CTTN: variants seen among roughly 807,000 people sequenced by gnomAD.
CTTN encodes the protein src substrate cortactin.
CTTN carries 28 observed loss-of-function variants against 84.0 expected under a neutral mutation model. That is an observed-to-expected ratio of 0.33 (90% CI 0.25 to 0.46). CTTN has a LOEUF of 0.46. Ranked by LOEUF, CTTN falls within the 20% of genes least tolerant of loss-of-function variation. CTTN has a pLI of 1.00. For missense variants in CTTN, 641 were observed against 723.8 expected (o/e 0.89, Z 1.31); for synonymous variants, 301 against 288.8 (o/e 1.04, Z -0.43).
At chr11:70,426,241 A>G (rs1031185754) in intron 13 of CTTN, among the ~76,000 whole-genome samples, 4 of 152,118 alleles carry the variant, frequency 2.6e-5, no homozygotes, top group African/African-American at 9.7e-5. Flanking sequence ...CCCCGTCTCT[A>G]CTAAAAATAC....
intron 2 of CTTN, among the ~76,000 whole-genome samples, 172 bp downstream of exon 2, chr11:70,405,533 G>A (rs1264871272): frequency 6.6e-6 from 1 of 152,138 alleles, no homozygotes; most frequent in African/African-American, 2.4e-5. Context: ...GGTTTCTGTT[G>A]CATATGACTT....
chr11:70,414,117 G>A (rs1472997799), intron 5 of CTTN, among the ~76,000 whole-genome samples: 3 of 152,202 alleles, frequency 2.0e-5, no homozygotes, highest in South Asian at 2.1e-4. Context: ...AGGCCGAGGC[G>A]GGTGGATCAC....
chr11:70,416,000 G>A (rs1344020310), intron 7 of CTTN: 13 of 399,520 alleles, frequency 3.3e-5, no homozygotes, highest in African/African-American at 1.8e-4. Flanking sequence ...CCCTTGTAGC[G>A]GAAGCCGCCT....
chr11:70,419,236 G>A (rs1383660409), intron 8 of CTTN, among the ~76,000 whole-genome samples: 2 of 150,828 alleles, frequency 1.3e-5, no homozygotes, highest in African/African-American at 2.4e-5. Flanking sequence ...TCAGCCTCCC[G>A]AGTAGCTGGG....
intron 1 of CTTN, among the ~76,000 whole-genome samples, chr11:70,399,042 G>T (rs1234155445): frequency 2.0e-5 from 3 of 146,806 alleles, no homozygotes; most frequent in African/African-American, 7.6e-5. Flanking sequence ...CTCCGAGGGG[G>T]AGGGTATTAG....
chr11:70,400,365 C>G (rs1180436560), intron 1 of CTTN, among the ~76,000 whole-genome samples: 2 of 152,180 alleles, frequency 1.3e-5, no homozygotes, highest in Middle Eastern at 3.4e-3. Context: ...ACTTGGGGCG[C>G]TGAGGCAGAG....
In CTTN at chr11:70,436,049, G is replaced by T. The variant is rs2058414339; in HGVS notation, c.*887G>T. The T allele has an allele frequency of 1.4e-6, 2 of 1,424,112 alleles. No homozygotes were observed. The highest frequency in any genetic ancestry group is 1.8e-6 in the Non-Finnish European group (2 of 1,094,984). 88.2% of individuals were successfully genotyped at this position (1,424,112 alleles called of 1,614,324 possible). The stretch of plus-strand genomic sequence containing the variant: ...CGGTGTGTGTGCCATGTCACAGCAT[G>T]GCCTCTCGGCCTTGGGAAGGAAGGC... On this transcript the variant is annotated 3_prime_UTR_variant, in exon 18 of 18. Transcript: ENST00000301843.
rs542545022 is a variant in CTTN at position 70,419,704 on chromosome 11, T to C, written c.569-42T>C. The C allele has an allele frequency of 9.9e-6, 15 of 1,521,500 alleles. No individual in the cohort carries two copies. In the African/African-American group the frequency reaches 1.1e-4, roughly 11 times the overall value. The allele number at this position is 1,521,500 out of a possible 1,614,324, so 94.2% of individuals were successfully genotyped here. A position where few individuals can be genotyped will look rare whatever the true frequency, so the allele number is the denominator to read the frequency against. Reference sequence around the variant, plus strand: ...TAAAATACTTGCATGTTCACTGATTTCGTTGCTCCTTTTAAAGTAGTCCTT... The same window carrying C: ...TAAAATACTTGCATGTTCACTGATTCCGTTGCTCCTTTTAAAGTAGTCCTT... On this transcript the variant is annotated intron_variant, in intron 8 of 17. Coordinates refer to ENST00000301843, the MANE Select transcript of CTTN (RefSeq NM_005231.4).
In CTTN at chr11:70,433,690, A is replaced by G. The variant is rs746057181; in HGVS notation, c.1488A>G (p.Thr496=). 6.2e-7 allele frequency: 1 copy of G among 1,613,896 alleles called. No individual in the cohort carries two copies. The highest frequency in any genetic ancestry group is 8.5e-7 in the Non-Finnish European group (1 of 1,179,878). Reference sequence around the variant, plus strand: ...AGTACGAGAACGATCTGGGGATCACAGCCGTCGCCCTGTACGACTACCAGG... The same window carrying G: ...AGTACGAGAACGATCTGGGGATCACGGCCGTCGCCCTGTACGACTACCAGG... ...YDEYENDLGI[T]AVALYDYQAA... The change falls in exon 17 of 18, where the codon ACA becomes ACG. Residue 496 remains threonine, a synonymous_variant. Transcript: ENST00000301843.
intron 1 of CTTN, among the ~76,000 whole-genome samples, chr11:70,401,482 A>G (rs1277880864): frequency 6.6e-6 from 1 of 151,576 alleles, no homozygotes; most frequent in African/African-American, 2.4e-5. Context: ...TCTCAAAAGA[A>G]AAAAGAAAAA....
chr11:70,429,662 A>G (rs1176178739), intron 14 of CTTN, among the ~76,000 whole-genome samples: 2 of 152,062 alleles, frequency 1.3e-5, no homozygotes, highest in Non-Finnish European at 2.9e-5. Context: ...TGGCCAGCCC[A>G]GCCCCGCTCA....
chr11:70,430,751 A>G (rs2058345600), intron 14 of CTTN, among the ~76,000 whole-genome samples: 1 of 152,194 alleles, frequency 6.6e-6, no homozygotes, highest in Non-Finnish European at 1.5e-5. Context: ...GTCTCAACCC[A>G]TTGCAGCATC....
At chr11:70,431,395 C>A in intron 15 of CTTN, 115 bp downstream of exon 15, 3 of 1,088,674 alleles carry the variant, frequency 2.8e-6, no homozygotes, top group Non-Finnish European at 2.8e-6. Flanking sequence ...GTGTAGAGGG[C>A]ATCGCTGCAT....
chr11:70,419,394 G>GC (rs2058202738), intron 8 of CTTN, among the ~76,000 whole-genome samples: 1 of 152,102 alleles, frequency 6.6e-6, no homozygotes, highest in South Asian at 2.1e-4. Context: ...ACAGGCGTGA[G>GC]CCCCCTCCCC....
intron 12 of CTTN, 100 bp downstream of exon 12, chr11:70,423,095 C>T: frequency 7.2e-7 from 1 of 1,395,168 alleles, no homozygotes; most frequent in Non-Finnish European, 1.0e-6. Context: ...TGGGGTGGGG[C>T]ACAAGTGATT....
chr11:70,400,148 T>C (rs7925570), intron 1 of CTTN, among the ~76,000 whole-genome samples: 9,378 of 152,272 alleles, frequency 0.062, 923 homozygotes, highest in African/African-American at 0.21. Flanking sequence ...GCTAACCTTC[T>C]GCTATATCTT....
At chr11:70,417,274 C>T (rs142406325) in intron 8 of CTTN, 151 bp downstream of exon 8, 13 of 645,394 alleles carry the variant, frequency 2.0e-5, no homozygotes, top group African/African-American at 1.3e-4. Context: ...TTTCCTAATT[C>T]GAATGGCTGC....
In CTTN at chr11:70,415,706, C is replaced by T. The variant is rs1441415496; in HGVS notation, c.446C>T (p.Ala149Val). Residue 149 changes from alanine (A) to valine (V), a missense_variant, in exon 7 of 18, where the codon GCC becomes GTC. Ala to Val is a moderately conservative substitution (Grantham distance 64, BLOSUM62 0). Transcript: ENST00000301843. ...TACCAGGGGAAGACTGAGAAGCATG[C>T]CTCCCAGAAAGGTAAGACGCGAAAG... is the stretch of plus-strand genomic sequence containing the variant. The part of the protein sequence containing the change: ...FEYQGKTEKH[A>V]SQKDYSSGFG... 2.5e-6 allele frequency: 4 copies of T among 1,614,028 alleles called. No individual in the cohort carries two copies. The African/African-American group carries it at 4.0e-5, about 16-fold the overall frequency.
rs765197561 is a variant in CTTN at position 70,431,267 on chromosome 11, G to A, written c.1253G>A (p.Ser418Asn). 3 of 1,614,118 alleles carry A rather than the reference G, an allele frequency of 1.9e-6. No homozygotes were observed. Among genetic ancestry groups the A allele is most frequent in the Non-Finnish European group, 2.5e-6 (3 of 1,180,008 alleles). ...CCAACCGAGGAGAGGCTGCCCTCGA[G>A]CCCCGTCTATGAGGTTGGTGTCTTT... Reference protein sequence around the residue: ...PQPTEERLPSSPVYEDAASFK... With the variant: ...PQPTEERLPSNPVYEDAASFK... Residue 418 changes from serine (S) to asparagine (N), a missense_variant, in exon 15 of 18, where the codon AGC becomes AAC. This residue lies in a region of CTTN where 289 missense variants were observed against 273.1 expected (regional missense o/e 1.06). Transcript: ENST00000301843.
Sources: gnomAD v4.1 joint callset for allele counts (sites outside exome capture counted in the v4.1 genomes callset) on GRCh38, gnomAD v4.1.1 for gene constraint, gnomAD v4.1.1 regional missense constraint, MANE v1.5 for transcripts, NCBI Gene and HGNC (gene_info 2026-07-23, HGNC 2026-07-21) for gene names.